The following MYO1B variants were observed in gnomAD, a reference collection of about 807,000 sequenced individuals.
MYO1B encodes unconventional myosin-Ib.
A neutral mutation model predicts 159.7 loss-of-function variants in MYO1B; 72 were observed. The ratio of observed to expected loss-of-function variants is 0.45; its 90% CI spans 0.37 to 0.55. The LOEUF (loss-of-function observed/expected upper bound fraction) is 0.55. Among genes scored for constraint, MYO1B ranks in the 20% least tolerant of loss-of-function variants. The probability of loss-of-function intolerance (pLI) is 0.00; values close to 1 mark genes in which losing one functional copy is unlikely to be tolerated. For missense variants in MYO1B, 1,062 were observed against 1,364.8 expected (o/e 0.78, Z 3.50); for synonymous variants, 468 against 473.8 (o/e 0.99, Z 0.16).
rs1687856880 is a variant in MYO1B at position 191,278,177 on chromosome 2, G to A, written c.135+1147G>A. 3.3e-5 allele frequency among the ~76,000 whole-genome samples: 5 copies of A among 152,220 alleles called. No homozygotes were observed. In the South Asian group the frequency reaches 1.0e-3, roughly 32 times the overall value. On this transcript the variant is annotated intron_variant, in intron 2 of 30. Coordinates refer to ENST00000392318, the MANE Select transcript of MYO1B (RefSeq NM_001130158.3). The stretch of plus-strand genomic sequence containing the variant: ...TTGTTTCTCAACAGTTCTAGAGTCT[G>A]GGAAGTCCACGGTGAAGGGGCTGGC...
At chr2:191,298,085 G>A (rs1329792375) in intron 3 of MYO1B, among the ~76,000 whole-genome samples, 1 of 152,182 alleles carries the variant, frequency 6.6e-6, no homozygotes. Flanking sequence ...AATAATTAAG[G>A]AACATATATA....
At chr2:191,327,856 A>G (rs1402321034) in intron 3 of MYO1B, among the ~76,000 whole-genome samples, 2 of 152,226 alleles carry the variant, frequency 1.3e-5, no homozygotes, top group Non-Finnish European at 2.9e-5. Flanking sequence ...TTATTCATAC[A>G]TTCATTCAAC....
intron 25 of MYO1B, among the ~76,000 whole-genome samples, 199 bp downstream of exon 25, chr2:191,408,388 G>C (rs998294244): frequency 6.6e-6 from 1 of 152,214 alleles, no homozygotes; most frequent in African/African-American, 2.4e-5. Context: ...GTGTCAGAAA[G>C]AGTTGTTAAT....
At chr2:191,345,229 T>G (rs1692490505) in intron 5 of MYO1B, among the ~76,000 whole-genome samples, 1 of 152,164 alleles carries the variant, frequency 6.6e-6, no homozygotes, top group Non-Finnish European at 1.5e-5. Context: ...CCAGACCCAT[T>G]GAACCTGAGT....
At chr2:191,292,338 C>G (rs537032587) in intron 2 of MYO1B, among the ~76,000 whole-genome samples, 2 of 152,230 alleles carry the variant, frequency 1.3e-5, no homozygotes, top group South Asian at 2.1e-4. Context: ...TTGGGAGATC[C>G]TGAGAACATG....
At chr2:191,320,744 A>AT (rs1690656523) in intron 3 of MYO1B, among the ~76,000 whole-genome samples, 2 of 152,070 alleles carry the variant, frequency 1.3e-5, no homozygotes, top group Middle Eastern at 3.2e-3. Flanking sequence ...AGGGTACTTT[A>AT]TAGACATCCT....
intron 7 of MYO1B, among the ~76,000 whole-genome samples, chr2:191,353,993 C>T (rs561444093): frequency 3.3e-5 from 5 of 152,280 alleles, no homozygotes; most frequent in African/African-American, 1.2e-4. Flanking sequence ...TGCCATGGCT[C>T]ATGCCTGTAA....
intron 22 of MYO1B, 54 bp from the exon 23 acceptor site, chr2:191,400,695 A>G: frequency 6.3e-7 from 1 of 1,585,272 alleles, no homozygotes; most frequent in South Asian, 1.1e-5. Context: ...GAAAACCAGC[A>G]GTAACCTTTC....
At chr2:191,252,791 T>G (rs923126866) in intron 1 of MYO1B, among the ~76,000 whole-genome samples, 5 of 152,202 alleles carry the variant, frequency 3.3e-5, no homozygotes, top group Non-Finnish European at 5.9e-5. Context: ...TACCTAATAC[T>G]TGGTCCCCTG....
intron 3 of MYO1B, among the ~76,000 whole-genome samples, chr2:191,297,794 A>G (rs1689075202): frequency 6.6e-6 from 1 of 152,180 alleles, no homozygotes; most frequent in African/African-American, 2.4e-5. Flanking sequence ...TTAAAACCCC[A>G]GGGGACAGTT....
intron 3 of MYO1B, among the ~76,000 whole-genome samples, chr2:191,297,581 T>C (rs1689062259): frequency 6.6e-6 from 1 of 152,188 alleles, no homozygotes; most frequent in South Asian, 2.1e-4. Context: ...CAAATTGTCA[T>C]GAAATGCACA....
At chr2:191,353,103 A>G (rs1693026565) in intron 7 of MYO1B, among the ~76,000 whole-genome samples, 1 of 152,178 alleles carries the variant, frequency 6.6e-6, no homozygotes, top group Non-Finnish European at 1.5e-5. Flanking sequence ...TAAGTCTGGG[A>G]CTCACTTGAA....
intron 4 of MYO1B, among the ~76,000 whole-genome samples, chr2:191,332,162 C>T (rs2125923301): frequency 6.6e-6 from 1 of 152,180 alleles, no homozygotes; most frequent in African/African-American, 2.4e-5. Flanking sequence ...GGGGTTTCAC[C>T]ATGTTGGCCA....
Position 191,352,479 on chromosome 2 carries a change from C to T in MYO1B, c.562+2254C>T, listed in dbSNP as rs147943861. Reference sequence around the variant, plus strand: ...TATTATTATAAGGATTAGAAAATAACTTCAGTTTTAAATTTTGAAGTTTAA... The same window carrying T: ...TATTATTATAAGGATTAGAAAATAATTTCAGTTTTAAATTTTGAAGTTTAA... On this transcript the variant is annotated intron_variant, in intron 7 of 30. Coordinates refer to ENST00000392318, the MANE Select transcript of MYO1B (RefSeq NM_001130158.3). Among the ~76,000 whole-genome samples the T allele has an allele frequency of 1.8e-3, 270 of 152,190 alleles. 5 individuals are homozygous for T. In the East Asian group the frequency reaches 0.049, roughly 28 times the overall value.
At chr2:191,394,559 G>A (rs1034284259) in intron 20 of MYO1B, among the ~76,000 whole-genome samples, 1 of 152,104 alleles carries the variant, frequency 6.6e-6, no homozygotes, top group Non-Finnish European at 1.5e-5. Flanking sequence ...AAGACAATAC[G>A]CATTTAAGCA....
At chr2:191,351,348 G>A (rs988990516) in intron 7 of MYO1B, among the ~76,000 whole-genome samples, 4 of 152,116 alleles carry the variant, frequency 2.6e-5, no homozygotes, top group East Asian at 1.9e-4. Flanking sequence ...GAGATGGGTA[G>A]CCCAGAATCC....
At chr2:191,370,174 G>T (rs1462052479) in intron 12 of MYO1B, 53 bp from the exon 13 acceptor site, 8 of 1,116,614 alleles carry the variant, frequency 7.2e-6, no homozygotes, top group Non-Finnish European at 1.1e-5. Flanking sequence ...TTGGATGCTT[G>T]TAGTGTTATA....
chr2:191,299,131 A>G (rs1574370640), intron 3 of MYO1B, among the ~76,000 whole-genome samples: 1 of 152,262 alleles, frequency 6.6e-6, no homozygotes, highest in East Asian at 1.9e-4. Flanking sequence ...ATTCTAGGTC[A>G]TAGAAGTTCA....
At chr2:191,297,098 T>C (rs1230981081) in intron 3 of MYO1B, among the ~76,000 whole-genome samples, 1 of 152,220 alleles carries the variant, frequency 6.6e-6, no homozygotes, top group African/African-American at 2.4e-5. Context: ...CATTTACTGA[T>C]TCAAGACAAA....
Sources: gnomAD v4.1 joint callset for allele counts (sites outside exome capture counted in the v4.1 genomes callset) on GRCh38, gnomAD v4.1.1 for gene constraint, MANE v1.5 for transcripts, NCBI Gene and HGNC (gene_info 2026-07-23, HGNC 2026-07-21) for gene names.